The following CDH18 variants were observed in gnomAD, a reference collection of about 807,000 sequenced individuals.
The protein encoded by CDH18 is cadherin-18.
A neutral mutation model predicts 67.9 loss-of-function variants in CDH18; 31 were observed. The observed-to-expected ratio is 0.46, with a 90% CI of 0.34 to 0.62. The LOEUF (loss-of-function observed/expected upper bound fraction) is 0.62, where lower values mean the gene tolerates loss of function less well. CDH18 is among the 20% of genes least tolerant of loss of function. CDH18 has a pLI of 0.01. For synonymous variants in CDH18, 362 were observed against 347.2 expected (o/e 1.04, Z -0.48); for missense variants, 890 against 975.5 (o/e 0.91, Z 1.17).
At chr5:19,931,899 G>A (rs1276754237) in intron 2 of CDH18, among the ~76,000 whole-genome samples, 13 of 151,628 alleles carry the variant, frequency 8.6e-5, no homozygotes, top group East Asian at 3.9e-4. Context: ...TTTCCCTGCC[G>A]TTTAAGTTTC....
At chr5:19,595,403 G>A (rs887659320) in intron 6 of CDH18, among the ~76,000 whole-genome samples, 2 of 152,126 alleles carry the variant, frequency 1.3e-5, no homozygotes, top group Non-Finnish European at 2.9e-5. Context: ...AACCTGGTAC[G>A]GTGGCTCGAG....
chr5:19,567,486 G>A (rs1175213061), intron 8 of CDH18, among the ~76,000 whole-genome samples: 1 of 152,174 alleles, frequency 6.6e-6, no homozygotes, highest in Non-Finnish European at 1.5e-5. Context: ...ACATTGCAAA[G>A]TACATCTTTT....
intron 3 of CDH18, among the ~76,000 whole-genome samples, chr5:19,773,083 C>A (rs921863142): frequency 1.3e-5 from 2 of 152,084 alleles, no homozygotes; most frequent in African/African-American, 4.8e-5. Flanking sequence ...TACCTACATA[C>A]ATAATCATAG....
At chr5:19,911,385 G>A (rs189503991) in intron 2 of CDH18, among the ~76,000 whole-genome samples, 2 of 152,060 alleles carry the variant, frequency 1.3e-5, no homozygotes, top group East Asian at 1.9e-4. Context: ...GAAGGGGAAA[G>A]ATTATACTAT....
chr5:19,877,162 G>A (rs1431143376), intron 2 of CDH18, among the ~76,000 whole-genome samples: 1 of 152,040 alleles, frequency 6.6e-6, no homozygotes, highest in Non-Finnish European at 1.5e-5. Flanking sequence ...GTACCATGAA[G>A]CAAGCGTGCT....
In CDH18 at chr5:19,669,801, C is replaced by T. The variant is rs140805264; in HGVS notation, c.643+51546G>A. Among the ~76,000 whole-genome samples, 75 of 152,256 alleles carry T rather than the reference C, an allele frequency of 4.9e-4. 1 individual carries two copies. In the East Asian group the frequency reaches 0.01, roughly 21 times the overall value. On this transcript the variant is annotated intron_variant, in intron 5 of 12. Transcript: ENST00000382275. ...TTACTCAGTAACTATTTCCTCTGTGCATCGTACATACTATATGCAAGGCTT... is the reference window on the plus strand; with the variant it reads ...TTACTCAGTAACTATTTCCTCTGTGTATCGTACATACTATATGCAAGGCTT...
chr5:19,712,121 T>A (rs958111960), intron 5 of CDH18, among the ~76,000 whole-genome samples: 1 of 151,928 alleles, frequency 6.6e-6, no homozygotes, highest in Non-Finnish European at 1.5e-5. Context: ...CACATGGACA[T>A]AGAGTGGGGA....
chr5:20,457,399 A>T (rs1750910283), intron 1 of CDH18, among the ~76,000 whole-genome samples: 1 of 152,206 alleles, frequency 6.6e-6, no homozygotes, highest in Non-Finnish European at 1.5e-5. Context: ...ATATCTCAAC[A>T]CATTCAATTC....
intron 1 of CDH18, among the ~76,000 whole-genome samples, chr5:20,419,565 T>C (rs1747680746): frequency 7.3e-6 from 1 of 136,876 alleles, no homozygotes; most frequent in Admixed American, 8.1e-5. Context: ...AAGCTCTGCC[T>C]CCCGGGTTCA....
intron 2 of CDH18, among the ~76,000 whole-genome samples, chr5:20,067,450 C>A (rs1294748938): frequency 6.6e-6 from 1 of 151,854 alleles, no homozygotes; most frequent in Non-Finnish European, 1.5e-5. Context: ...GGAAACATCT[C>A]ACCACCAAAA....
At chr5:19,919,206 C>G (rs568213169) in intron 2 of CDH18, among the ~76,000 whole-genome samples, 1 of 152,256 alleles carries the variant, frequency 6.6e-6, no homozygotes, top group South Asian at 2.1e-4. Flanking sequence ...TGCACAGAAC[C>G]CAGCCAGGCC....
At chr5:19,529,254 C>T (rs1030156564) in intron 9 of CDH18, among the ~76,000 whole-genome samples, 13 of 151,908 alleles carry the variant, frequency 8.6e-5, no homozygotes, top group Non-Finnish European at 1.5e-4. Context: ...ACATTCAATA[C>T]ACACATAATA....
At chr5:19,783,084 T>C (rs942423244) in intron 3 of CDH18, among the ~76,000 whole-genome samples, 8 of 152,362 alleles carry the variant, frequency 5.3e-5, no homozygotes, top group African/African-American at 1.7e-4. Flanking sequence ...TTTGCTGCTC[T>C]AAGCTGCATT....
chr5:20,061,717 G>A (rs1742503280), intron 2 of CDH18, among the ~76,000 whole-genome samples: 1 of 152,122 alleles, frequency 6.6e-6, no homozygotes, highest in South Asian at 2.1e-4. Flanking sequence ...TTAAAATAGT[G>A]GAATGACTTA....
chr5:20,501,673 A>G (rs1207695529), intron 1 of CDH18, among the ~76,000 whole-genome samples: 3 of 134,252 alleles, frequency 2.2e-5, no homozygotes, highest in Non-Finnish European at 4.7e-5. Flanking sequence ...ATCTCAGCTC[A>G]CTGCAAGCTC....
chr5:20,023,039 T>C (rs930084727), intron 2 of CDH18, among the ~76,000 whole-genome samples: 34 of 152,222 alleles, frequency 2.2e-4, no homozygotes, highest in African/African-American at 8.2e-4. Flanking sequence ...CTAATGTCTT[T>C]CTGATTTTTT....
intron 1 of CDH18, among the ~76,000 whole-genome samples, chr5:20,448,045 G>T (rs1045597443): frequency 2.6e-5 from 4 of 151,528 alleles, no homozygotes; most frequent in Non-Finnish European, 4.4e-5. Context: ...AATGCTATCC[G>T]TCCCCTCTCC....
chr5:19,649,645 T>C (rs774715915), intron 5 of CDH18, among the ~76,000 whole-genome samples: 1 of 152,018 alleles, frequency 6.6e-6, no homozygotes, highest in Non-Finnish European at 1.5e-5. Context: ...TATATCAAGG[T>C]AAAATATTGG....
At chr5:19,944,015 A>C (rs931116189) in intron 2 of CDH18, among the ~76,000 whole-genome samples, 2 of 152,138 alleles carry the variant, frequency 1.3e-5, no homozygotes, top group African/African-American at 4.8e-5. Context: ...TCAACCAATA[A>C]GATGAAACAA....
Sources: gnomAD v4.1 joint callset for allele counts (sites outside exome capture counted in the v4.1 genomes callset) on GRCh38, gnomAD v4.1.1 for gene constraint, MANE v1.5 for transcripts, NCBI Gene and HGNC (gene_info 2026-07-23, HGNC 2026-07-21) for gene names.